The following CHST6 variants were observed in gnomAD, a reference collection of about 807,000 sequenced individuals.
The protein encoded by CHST6 is N-acetylglucosamine 6-O-sulfotransferase 5.
For missense variants in CHST6, 698 were observed against 586.2 expected (o/e 1.19, Z -1.97); for synonymous variants, 309 against 276.4 (o/e 1.12, Z -1.17).
Position 75,479,215 on chromosome 16 carries a change from C to T in CHST6, c.614G>A (p.Arg205Gln), listed in dbSNP as rs377706989. The change falls in exon 3 of 3, where the codon CGG becomes CAG. Residue 205 changes from arginine (R) to glutamine (Q), a missense_variant. Arg to Gln is a conservative substitution (Grantham distance 43). Transcript: ENST00000332272. ...LRIVHLVRDP[R>Q]AVLRSREQTA... Reference sequence around the variant, plus strand: ...CTGCTCCCGGGAGCGCAGCACGGCCCGCGGGTCGCGCACCAGGTGCACGAT... The same window carrying T: ...CTGCTCCCGGGAGCGCAGCACGGCCTGCGGGTCGCGCACCAGGTGCACGAT... The T allele has an allele frequency of 9.3e-6, 15 of 1,609,760 alleles. No homozygotes were observed. Among genetic ancestry groups the T allele is most frequent in the South Asian group, 1.1e-5 (1 of 91,024 alleles).
At position 75,474,023 on chromosome 16, in the gene CHST6, A is replaced by G. The variant is rs2080040775; in HGVS notation, c.*4618T>C. On this transcript the variant is annotated 3_prime_UTR_variant, in exon 3 of 3. Coordinates refer to ENST00000332272, the MANE Select transcript of CHST6 (RefSeq NM_021615.5). Reference sequence around the variant, plus strand: ...CCCATCTCTACTAAAAATACAAAAAAAATTAGCCGGGCGTGGTGGTGTACA... The same window carrying G: ...CCCATCTCTACTAAAAATACAAAAAGAATTAGCCGGGCGTGGTGGTGTACA... The G allele has an allele frequency of 6.6e-6, 1 of 152,080 alleles. No homozygotes were observed. Among genetic ancestry groups the G allele is most frequent in the Non-Finnish European group, 1.5e-5 (1 of 68,026 alleles). 9.4% of individuals were successfully genotyped at this position (152,080 alleles called of 1,614,324 possible). A position where few individuals can be genotyped will look rare whatever the true frequency, so the allele number is the denominator to read the frequency against.
chr16:75,479,712 C>A lies in CHST6; in HGVS notation c.117G>T (p.Ala39=), dbSNP rs1423186131. 6.2e-7 allele frequency: 1 copy of A among 1,609,032 alleles called. No individual in the cohort carries two copies. Among genetic ancestry groups the A allele is most frequent in the East Asian group, 2.2e-5 (1 of 44,702 alleles). ...AGGACAGCACCAGCACATGCACGCG[C>A]GCCTCGCCGCCTGCTGGGGACGAGG... ...PGPSSPAGGE[A]RVHVLVLSSW... is the part of the protein sequence containing the mutation. Residue 39 remains alanine, a synonymous_variant, in exon 3 of 3, where the codon GCG becomes GCT. Coordinates refer to ENST00000332272, the MANE Select transcript of CHST6 (RefSeq NM_021615.5).
At chr16:75,492,166 G>C (rs1022125064) in intron 1 of CHST6, among the ~76,000 whole-genome samples, 5 of 152,266 alleles carry the variant, frequency 3.3e-5, no homozygotes, top group Non-Finnish European at 5.9e-5. Flanking sequence ...AAGCCTCCCT[G>C]GCTCAGAGCC....
At chr16:75,480,571 T>C (rs1597475077) in intron 2 of CHST6, among the ~76,000 whole-genome samples, 2 of 14,208 alleles carry the variant, frequency 1.4e-4, no homozygotes, top group East Asian at 2.5e-3. Flanking sequence ...CAGTGTATGA[T>C]TTTTTTTTTT....
At position 75,476,468 on chromosome 16, in the gene CHST6, T is replaced by G. The variant is rs1317886723; in HGVS notation, c.*2173A>C. On this transcript the variant is annotated 3_prime_UTR_variant, in exon 3 of 3. Coordinates refer to ENST00000332272, the MANE Select transcript of CHST6 (RefSeq NM_021615.5). ...CAGGAGGCTGAGGCAGGAGAATTGC[T>G]TGAACTCAGGAGGCAGAGAGAGGCA... The G allele has an allele frequency of 6.8e-6, 1 of 148,098 alleles. No homozygotes were observed. Among genetic ancestry groups the G allele is most frequent in the African/African-American group, 2.5e-5 (1 of 39,870 alleles). 9.2% of individuals were successfully genotyped at this position (148,098 alleles called of 1,614,324 possible).
intron 2 of CHST6, among the ~76,000 whole-genome samples, chr16:75,480,552 G>C (rs575106097): frequency 1.3e-5 from 2 of 148,488 alleles, no homozygotes; most frequent in Non-Finnish European, 3.0e-5. Flanking sequence ...GCTACAGCGT[G>C]TGCTTCTGCA....
At chr16:75,480,576 T>TC (rs2080129585) in intron 2 of CHST6, among the ~76,000 whole-genome samples, 1 of 151,808 alleles carries the variant, frequency 6.6e-6, no homozygotes, top group Non-Finnish European at 1.5e-5. Flanking sequence ...TATGATTTTT[T>TC]TTTTTTTAAA....
rs2080034049 is a variant in CHST6 at position 75,473,101 on chromosome 16, A to G, written c.*5540T>C. 1 of 152,290 alleles carries G rather than the reference A, an allele frequency of 6.6e-6. No individual in the cohort carries two copies. Among genetic ancestry groups the G allele is most frequent in the African/African-American group, 2.4e-5 (1 of 41,470 alleles). The allele number at this position is 152,290 out of a possible 1,614,324, so 9.4% of individuals were successfully genotyped here. A position where few individuals can be genotyped will look rare whatever the true frequency, so the allele number is the denominator to read the frequency against. ...GTGTATCGGTTAGGCAATGCTACGTAACAAACCACCACAACACTCAAATGA... is the reference window on the plus strand; with the variant it reads ...GTGTATCGGTTAGGCAATGCTACGTGACAAACCACCACAACACTCAAATGA... On this transcript the variant is annotated 3_prime_UTR_variant, in exon 3 of 3. Coordinates refer to ENST00000332272, the MANE Select transcript of CHST6 (RefSeq NM_021615.5).
chr16:75,479,142 G>T lies in CHST6; in HGVS notation c.687C>A (p.Asn229Lys), dbSNP rs1567409028. 6.2e-7 allele frequency: 1 copy of T among 1,606,826 alleles called. No individual in the cohort carries two copies. Among genetic ancestry groups the T allele is most frequent in the Non-Finnish European group, 8.5e-7 (1 of 1,178,862 alleles). Residue 229 changes from asparagine (N) to lysine (K), a missense_variant, in exon 3 of 3, where the codon AAC becomes AAA. By Grantham distance (94) the Asn-to-Lys change is moderately conservative. Transcript: ENST00000332272. ...CGGGGTCGGCCTCCACCCACGTGCC[G>T]TTGGTGCCCAGCACGATGCCGTTGT... ...ARDNGIVLGT[N>K]GTWVEADPGL... is the part of the protein sequence containing the mutation.
chr16:75,479,522 C>T lies in CHST6; in HGVS notation c.307G>A (p.Asp103Asn), dbSNP rs2151666243. 2.5e-6 allele frequency: 4 copies of T among 1,612,872 alleles called. No individual in the cohort carries two copies. Among genetic ancestry groups the T allele is most frequent in the Non-Finnish European group, 3.4e-6 (4 of 1,179,826 alleles). ...AGATAGGCATCAAACACGTCCATGTCGCACAGGAAGACGGAGCGCACCAGG... is the reference window on the plus strand; with the variant it reads ...AGATAGGCATCAAACACGTCCATGTTGCACAGGAAGACGGAGCGCACCAGG... Reference protein sequence around the residue: ...RDLVRSVFLCDMDVFDAYLPW... With the variant: ...RDLVRSVFLCNMDVFDAYLPW... The change falls in exon 3 of 3, where the codon GAC becomes AAC. Residue 103 changes from aspartate to asparagine, a missense_variant. Physicochemically the swap from Asp to Asn is conservative, Grantham distance 23. Transcript: ENST00000332272.
At chr16:75,484,449 C>G (rs1404765944) in intron 1 of CHST6, among the ~76,000 whole-genome samples, 1 of 152,228 alleles carries the variant, frequency 6.6e-6, no homozygotes, top group Non-Finnish European at 1.5e-5. Context: ...TGTCCAGTGC[C>G]CTTTCCCATC....
intron 1 of CHST6, among the ~76,000 whole-genome samples, chr16:75,488,320 CA>C (rs1253613731): frequency 6.6e-6 from 1 of 151,738 alleles, no homozygotes; most frequent in Non-Finnish European, 1.5e-5. Flanking sequence ...AAAAATTAGC[CA>C]CCATGGTGGC....
At chr16:75,486,651 G>C (rs2080201850) in intron 1 of CHST6, among the ~76,000 whole-genome samples, 1 of 152,234 alleles carries the variant, frequency 6.6e-6, no homozygotes, top group African/African-American at 2.4e-5. Context: ...GAACTCAGCA[G>C]AGAAAGTTCA....
At chr16:75,491,851 A>G (rs1376619296) in intron 1 of CHST6, among the ~76,000 whole-genome samples, 1 of 152,210 alleles carries the variant, frequency 6.6e-6, no homozygotes, top group Admixed American at 6.5e-5. Context: ...AGCTGACCTG[A>G]GTACCCAGTT....
Position 75,479,303 on chromosome 16 carries a change from C to T in CHST6, c.526G>A (p.Val176Met), listed in dbSNP as rs1233675347. 3.1e-6 allele frequency: 5 copies of T among 1,613,142 alleles called. No individual in the cohort carries two copies. The highest frequency in any genetic ancestry group is 3.4e-6 in the Non-Finnish European group (4 of 1,179,802). The change falls in exon 3 of 3, where the codon GTG becomes ATG. Residue 176 changes from valine (V) to methionine (M), a missense_variant. By Grantham distance (21) the Val-to-Met change is conservative. Transcript: ENST00000332272. ...AGCACCTGCAGGTTGAAGAAGCGCA[C>T]CTCCTTGAGCACCACGTGGCTGTAG... The part of the protein sequence containing the change: ...RSYSHVVLKE[V>M]RFFNLQVLYP...
intron 1 of CHST6, among the ~76,000 whole-genome samples, chr16:75,492,577 G>A (rs528115790): frequency 5.3e-5 from 8 of 152,324 alleles, no homozygotes; most frequent in African/African-American, 1.7e-4. Flanking sequence ...GGCCGGGCGC[G>A]GTGGCTCACG....
Sources: gnomAD v4.1 joint callset for allele counts (sites outside exome capture counted in the v4.1 genomes callset) on GRCh38, gnomAD v4.1.1 for gene constraint, MANE v1.5 for transcripts, NCBI Gene and HGNC (gene_info 2026-07-23, HGNC 2026-07-21) for gene names.